The following ARFGAP3 variants were observed in gnomAD, a reference collection of about 807,000 sequenced individuals.
The protein encoded by ARFGAP3 is ARF GTPase activating protein 3.
Under a neutral mutation model 75.0 loss-of-function variants are expected in ARFGAP3, and 72 were observed. The ratio of observed to expected loss-of-function variants is 0.96; its 90% confidence interval spans 0.79 to 1.17. The LOEUF is 1.17. Ranked by LOEUF, ARFGAP3 falls within the 50% of genes most tolerant of loss-of-function variation. The probability of loss-of-function intolerance (pLI) is 0.00; values close to 1 mark genes in which losing one functional copy is unlikely to be tolerated. For synonymous variants in ARFGAP3, 221 were observed against 217.9 expected (o/e 1.01, Z -0.13); for missense variants, 620 against 626.6 (o/e 0.99, Z 0.11).
chr22:42,857,103 G>T lies in ARFGAP3; in HGVS notation c.69+11C>A. ...ATGCCAGGCAGGCCCGCACTCGCCC[G>T]CGGCCGCTACCTTGTTAGTGGGCAC... On this transcript the variant is annotated intron_variant, in intron 1 of 15. Coordinates refer to ENST00000263245, the MANE Select transcript of ARFGAP3 (RefSeq NM_014570.5). 6.6e-7 allele frequency: 1 copy of T among 1,504,916 alleles called. No homozygotes were observed. The highest frequency in any genetic ancestry group is 1.5e-5 in the African/African-American group (1 of 68,876). The allele number at this position is 1,504,916 out of a possible 1,614,324, so 93.2% of individuals were successfully genotyped here.
intron 1 of ARFGAP3, 59 bp from the exon 2 acceptor site, chr22:42,847,691 A>T: frequency 3.8e-6 from 6 of 1,575,174 alleles, no homozygotes; most frequent in Non-Finnish European, 2.6e-6. Context: ...ATTATCCTGT[A>T]AGATACAGTA....
chr22:42,817,275 C>G lies in ARFGAP3; in HGVS notation c.942-11G>C. 1 of 1,594,850 alleles carries G rather than the reference C, an allele frequency of 6.3e-7. No individual in the cohort carries two copies. The highest frequency in any genetic ancestry group is 1.7e-5 in the Admixed American group (1 of 57,152). On this transcript the variant is annotated splice_polypyrimidine_tract_variant and intron_variant, in intron 10 of 15. Transcript: ENST00000263245. ...GAATGTGAAATAACACTTGAGAAAA[C>G]AGAAAAATATATATATCAGTAAGTT...
chr22:42,823,114 GT>G lies in ARFGAP3; in HGVS notation c.672+541del, dbSNP rs959502626. Among the ~76,000 whole-genome samples the G allele has an allele frequency of 5.1e-3, 773 of 151,038 alleles. 10 individuals carry two copies. The highest frequency in any genetic ancestry group is 0.018 in the African/African-American group (725 of 41,170). ...CGTGAGTCACTACGCCTGGCCTATTGTTTTTTTTTCCCCCCCAAATAATTTT... is the reference window on the plus strand; with the variant it reads ...CGTGAGTCACTACGCCTGGCCTATTGTTTTTTTTCCCCCCCAAATAATTTT... On this transcript the variant is annotated intron_variant, in intron 8 of 15. Transcript: ENST00000263245.
intron 13 of ARFGAP3, 154 bp from the exon 14 acceptor site, chr22:42,807,317 C>T (rs150998782): frequency 1.9e-5 from 18 of 952,922 alleles, no homozygotes; most frequent in Non-Finnish European, 2.1e-5. Context: ...CCAGGTCCTG[C>T]GGGACAGCAC....
intron 3 of ARFGAP3, among the ~76,000 whole-genome samples, chr22:42,837,579 C>T (rs1386193253): frequency 7.1e-6 from 1 of 140,192 alleles, no homozygotes; most frequent in African/African-American, 2.7e-5. Flanking sequence ...ATGATTTTGC[C>T]ACTGCACTCC....
chr22:42,815,814 T>C (rs1449192272), intron 11 of ARFGAP3, among the ~76,000 whole-genome samples: 3 of 152,174 alleles, frequency 2.0e-5, no homozygotes, highest in Admixed American at 6.5e-5. Context: ...TACCTAACAA[T>C]AGTAATCAAA....
rs1555899058 is a variant in ARFGAP3 at position 42,838,290 on chromosome 22, A to ATTT, written c.261+2651_261+2653dup. 1.9e-3 allele frequency among the ~76,000 whole-genome samples: 261 copies of ATTT among 137,176 alleles called. 3 individuals carry two copies. Among genetic ancestry groups the ATTT allele is most frequent in the African/African-American group, 6.4e-3 (234 of 36,698 alleles). The allele number at this position is 137,176 out of a possible 152,430, so 90.0% of individuals were successfully genotyped here. On this transcript the variant is annotated intron_variant, in intron 3 of 15. Coordinates refer to ENST00000263245, the MANE Select transcript of ARFGAP3 (RefSeq NM_014570.5). ...TACACACACACATATATATATATAT[A>ATTT]TTTTTTTTTTCTTTTTTTTTTTTCT...
intron 5 of ARFGAP3, among the ~76,000 whole-genome samples, chr22:42,832,022 A>G (rs907860501): frequency 3.9e-5 from 6 of 152,052 alleles, no homozygotes; most frequent in Non-Finnish European, 2.9e-5. Flanking sequence ...GGCTCAAGCT[A>G]TCCTCCCACC....
At chr22:42,828,286 C>T (rs973723808) in intron 6 of ARFGAP3, among the ~76,000 whole-genome samples, 5 of 141,426 alleles carry the variant, frequency 3.5e-5, no homozygotes, top group South Asian at 2.3e-4. Context: ...GGGCCAGGCG[C>T]GGTAGCTCAC....
intron 1 of ARFGAP3, among the ~76,000 whole-genome samples, chr22:42,856,833 C>T (rs1341032743): frequency 6.6e-6 from 1 of 151,724 alleles, no homozygotes; most frequent in Non-Finnish European, 1.5e-5. Context: ...CGGTGCTCGC[C>T]CCCCGCCCCA....
intron 2 of ARFGAP3, among the ~76,000 whole-genome samples, chr22:42,841,899 C>T (rs1202386687): frequency 1.3e-5 from 2 of 149,654 alleles, no homozygotes; most frequent in African/African-American, 4.9e-5. Context: ...GGTCTCACTC[C>T]ATCACCCAGG....
At chr22:42,806,136 TGAGGGTGCC>T (rs1318590679) in intron 14 of ARFGAP3, among the ~76,000 whole-genome samples, 1 of 152,226 alleles carries the variant, frequency 6.6e-6, no homozygotes, top group Non-Finnish European at 1.5e-5. Context: ...CTAGGGATGC[TGAGGGTGCC>T]AGGCTTGGAA....
chr22:42,807,130 C>A lies in ARFGAP3; in HGVS notation c.1354G>T (p.Ala452Ser). ...TCAGCCGAGCTTATGGAGGAACTTG[C>A]CGACAGCCTCTCTAGGCGGGCCCTG... ...ETRARLERLS[A>S]SSSISSADLF... The change falls in exon 14 of 16, where the codon GCA becomes TCA. Residue 452 changes from alanine to serine, a missense_variant. Coordinates refer to ENST00000263245, the MANE Select transcript of ARFGAP3 (RefSeq NM_014570.5). The A allele has an allele frequency of 1.2e-6, 2 of 1,612,908 alleles. No individual in the cohort carries two copies. Among genetic ancestry groups the A allele is most frequent in the African/African-American group, 2.7e-5 (2 of 75,032 alleles).
chr22:42,818,975 G>C (rs1016444546), intron 9 of ARFGAP3, among the ~76,000 whole-genome samples: 1 of 151,450 alleles, frequency 6.6e-6, no homozygotes, highest in Non-Finnish European at 1.5e-5. Context: ...ACCATATCCA[G>C]CTAATTTTTC....
rs529389730 is a variant in ARFGAP3 at position 42,851,786 on chromosome 22, T to C, written c.70-4154A>G. ...ATGGTGATGAGCAAGAAATAGCTTT[T>C]GACTGACAATTTGTTTTGTTTAATG... On this transcript the variant is annotated intron_variant, in intron 1 of 15. Coordinates refer to ENST00000263245, the MANE Select transcript of ARFGAP3 (RefSeq NM_014570.5). Among the ~76,000 whole-genome samples the C allele has an allele frequency of 7.2e-5, 11 of 152,378 alleles. No homozygotes were observed. The East Asian group carries it at 1.5e-3, about 21-fold the overall frequency.
rs1490917892 is a variant in ARFGAP3, at chr22:42,800,844, T to G, written c.1412-1684A>C. Among the ~76,000 whole-genome samples, 76 of 152,284 alleles carry G rather than the reference T, an allele frequency of 5.0e-4. 1 individual carries two copies. The highest frequency in any genetic ancestry group is 2.9e-5 in the Non-Finnish European group (2 of 68,016). On this transcript the variant is annotated intron_variant, in intron 14 of 15. Transcript: ENST00000263245. The stretch of plus-strand genomic sequence containing the variant: ...AAAGACAGCCCTAGTGTGCTCAGGT[T>G]ACACAATGAGCTCCAGGAAATGACA...
At position 42,810,869 on chromosome 22, in the gene ARFGAP3, T is replaced by C. The variant is rs1925338395; in HGVS notation, c.1140A>G (p.Lys380=). The C allele has an allele frequency of 6.2e-7, 1 of 1,614,248 alleles. No homozygotes were observed. The highest frequency in any genetic ancestry group is 1.3e-5 in the African/African-American group (1 of 75,058). Reference sequence around the variant, plus strand: ...TTTCAGTATCTTTGCTGGTCTCTTTTTTCCAATAGGAATCTGAACTGTCAT... The same window carrying C: ...TTTCAGTATCTTTGCTGGTCTCTTTCTTCCAATAGGAATCTGAACTGTCAT... ...SWDDSSDSYW[K]KETSKDTETV... The change falls in exon 12 of 16, where the codon AAA becomes AAG. Residue 380 remains lysine, a synonymous_variant. Transcript: ENST00000263245.
intron 15 of ARFGAP3, 154 bp from the exon 16 acceptor site, chr22:42,797,759 C>T: frequency 1.0e-6 from 1 of 985,280 alleles, no homozygotes; most frequent in Non-Finnish European, 1.2e-6. Context: ...CATCTGGAAG[C>T]AGCCATTGCT....
intron 14 of ARFGAP3, among the ~76,000 whole-genome samples, chr22:42,805,057 G>A (rs1042232744): frequency 4.6e-5 from 7 of 152,136 alleles, no homozygotes; most frequent in South Asian, 2.1e-4. Flanking sequence ...CTCAAGGCCC[G>A]GAGTTTGAGA....
Sources: gnomAD v4.1 joint callset for allele counts (sites outside exome capture counted in the v4.1 genomes callset) on GRCh38, gnomAD v4.1.1 for gene constraint, MANE v1.5 for transcripts, NCBI Gene and HGNC (gene_info 2026-07-23, HGNC 2026-07-21) for gene names.